RABEP1: variants seen among roughly 807,000 people sequenced by gnomAD.
The protein encoded by RABEP1 is rabaptin, RAB GTPase binding effector protein 1.
In RABEP1, 51 loss-of-function variants were observed where a neutral mutation model predicts 123.4. The ratio of observed to expected loss-of-function variants is 0.41; its 90% CI spans 0.33 to 0.52. RABEP1 has a LOEUF of 0.52. RABEP1 is among the 20% of genes least tolerant of loss of function. RABEP1 has a pLI of 0.16. For missense variants in RABEP1, 888 were observed against 996.3 expected, an observed-to-expected ratio of 0.89 and a Z score of 1.46; for synonymous variants, 347 against 355.2, an observed-to-expected ratio of 0.98 and a Z score of 0.26.
intron 11 of RABEP1, 76 bp downstream of exon 11, chr17:5,365,314 C>A: frequency 2.0e-6 from 2 of 1,022,616 alleles, no homozygotes; most frequent in South Asian, 2.2e-5. Flanking sequence ...AAAATATAGT[C>A]ATGTTTTTTT....
At chr17:5,382,684 G>A (rs1911578900) in intron 17 of RABEP1, among the ~76,000 whole-genome samples, 1 of 152,056 alleles carries the variant, frequency 6.6e-6, no homozygotes, top group Non-Finnish European at 1.5e-5. Context: ...CCCGGGAAGT[G>A]GAGGTTGCAG....
At position 5,380,475 on chromosome 17, in the gene RABEP1, T is replaced by C. The variant is rs1911361997; in HGVS notation, c.2370+13T>C. 2 of 1,501,036 alleles carry C rather than the reference T, an allele frequency of 1.3e-6. No individual in the cohort carries two copies. Among genetic ancestry groups the C allele is most frequent in the Non-Finnish European group, 1.8e-6 (2 of 1,101,470 alleles). The allele number at this position is 1,501,036 out of a possible 1,614,324, so 93.0% of individuals were successfully genotyped here. A position where few individuals can be genotyped will look rare whatever the true frequency, so the allele number is the denominator to read the frequency against. On this transcript the variant is annotated intron_variant, in intron 16 of 17. Transcript: ENST00000537505. ...GACTGCTGCTAAGGTAGTGTTTTCA[T>C]TAGTCATTTAATTTTAAAAAGCAGG...
intron 2 of RABEP1, among the ~76,000 whole-genome samples, chr17:5,323,838 G>A (rs1905684088): frequency 2.3e-5 from 2 of 85,506 alleles, no homozygotes; most frequent in Non-Finnish European, 2.1e-5. Context: ...ATATATCTAG[G>A]AATATATATA....
At chr17:5,354,516 A>G (rs1908850510) in intron 8 of RABEP1, 26 bp downstream of exon 8, 1 of 1,580,154 alleles carries the variant, frequency 6.3e-7, no homozygotes, top group African/African-American at 1.4e-5. Flanking sequence ...AATTAAAGTC[A>G]TTAAATACAC....
chr17:5,378,092 G>C, intron 14 of RABEP1, 85 bp from the exon 15 acceptor site: 2 of 1,016,020 alleles, frequency 2.0e-6, no homozygotes, highest in Non-Finnish European at 2.9e-6. Flanking sequence ...TGAATCCTTT[G>C]GGGGGTGCTC....
intron 2 of RABEP1, among the ~76,000 whole-genome samples, chr17:5,314,927 G>A (rs114284083): frequency 0.018 from 2,743 of 152,240 alleles, 76 homozygotes; most frequent in African/African-American, 0.062. Context: ...TTGTGCTTTG[G>A]AAATTTGTAG....
intron 2 of RABEP1, among the ~76,000 whole-genome samples, chr17:5,326,041 G>T (rs1260551913): frequency 1.3e-5 from 2 of 152,170 alleles, no homozygotes; most frequent in East Asian, 1.9e-4. Flanking sequence ...ATTCATTGCT[G>T]GTGGGAATGC....
At chr17:5,367,119 T>C (rs9747449) in intron 11 of RABEP1, among the ~76,000 whole-genome samples, 97,060 of 151,478 alleles carry the variant, frequency 0.64, 33,131 homozygotes, top group East Asian at 0.97. Flanking sequence ...ATTTATTAAT[T>C]ATTTCTTTAT....
At chr17:5,316,221 C>T (rs1391847147) in intron 2 of RABEP1, among the ~76,000 whole-genome samples, 10 of 151,466 alleles carry the variant, frequency 6.6e-5, no homozygotes, top group Non-Finnish European at 1.5e-4. Context: ...GAGGCCGAGG[C>T]AGGCGGATTG....
chr17:5,323,045 A>G (rs935953256), intron 2 of RABEP1, among the ~76,000 whole-genome samples: 3 of 152,302 alleles, frequency 2.0e-5, no homozygotes, highest in Non-Finnish European at 4.4e-5. Flanking sequence ...ACTGCACTCC[A>G]GCCTGGGTGA....
chr17:5,357,324 G>T (rs1442212795), intron 8 of RABEP1, among the ~76,000 whole-genome samples: 1 of 152,064 alleles, frequency 6.6e-6, no homozygotes, highest in South Asian at 2.1e-4. Flanking sequence ...GAATTTCAGC[G>T]TGTCAATGTA....
At chr17:5,292,572 T>G (rs953129081) in intron 1 of RABEP1, among the ~76,000 whole-genome samples, 2 of 151,976 alleles carry the variant, frequency 1.3e-5, no homozygotes, top group Non-Finnish European at 2.9e-5. Flanking sequence ...TTAGTAGAGA[T>G]AGGGTTTCAC....
chr17:5,378,535 T>G, intron 15 of RABEP1: 1 of 403,242 alleles, frequency 2.5e-6, no homozygotes, highest in South Asian at 2.6e-5. Flanking sequence ...AGAGGTACAG[T>G]AGAAATATGT....
chr17:5,341,662 A>T (rs1451701007), intron 5 of RABEP1, among the ~76,000 whole-genome samples: 2 of 152,242 alleles, frequency 1.3e-5, no homozygotes, highest in Non-Finnish European at 2.9e-5. Context: ...TAGTATGAGA[A>T]GAAATTATAG....
At chr17:5,324,395 T>C (rs1253052733) in intron 2 of RABEP1, among the ~76,000 whole-genome samples, 1 of 152,146 alleles carries the variant, frequency 6.6e-6, no homozygotes, top group Non-Finnish European at 1.5e-5. Context: ...TGCAGAAGAA[T>C]GAAATTAGGC....
rs1271911261 is a variant in RABEP1, at chr17:5,374,154, C to T, written c.2025+700C>T. ...TCATCTCTGCTCACTGCAACCTCCG[C>T]CTCACAGGTTTAAACGATTCTCCTG... On this transcript the variant is annotated intron_variant, in intron 13 of 17. Coordinates refer to ENST00000537505, the MANE Select transcript of RABEP1 (RefSeq NM_004703.6). 4.6e-3 allele frequency among the ~76,000 whole-genome samples: 701 copies of T among 151,340 alleles called. 5 individuals are homozygous for T. The highest frequency in any genetic ancestry group is 0.016 in the African/African-American group (661 of 40,826).
At position 5,380,298 on chromosome 17, in the gene RABEP1, C is replaced by T. The variant is rs552442977; in HGVS notation, c.2272-66C>T. 6 of 1,107,244 alleles carry T rather than the reference C, an allele frequency of 5.4e-6. No individual in the cohort carries two copies. The South Asian group carries it at 8.9e-5, about 16-fold the overall frequency. 68.6% of individuals were successfully genotyped at this position (1,107,244 alleles called of 1,614,324 possible). On this transcript the variant is annotated intron_variant, in intron 15 of 17. Transcript: ENST00000537505. ...GGTGTAATTCTCCAGGCTCTAGGCT[C>T]TTTTAGGTAGTGCACTGGGGCCCAG... is the stretch of plus-strand genomic sequence containing the variant.
chr17:5,291,869 C>T (rs753091635), intron 1 of RABEP1, among the ~76,000 whole-genome samples: 27 of 152,220 alleles, frequency 1.8e-4, no homozygotes, highest in Non-Finnish European at 3.1e-4. Flanking sequence ...TGAGCCACTG[C>T]ACTCCAGCCT....
chr17:5,369,942 A>G (rs1910395253), intron 12 of RABEP1, among the ~76,000 whole-genome samples: 1 of 151,728 alleles, frequency 6.6e-6, no homozygotes, highest in Admixed American at 6.6e-5. Flanking sequence ...CAGGTGATCC[A>G]CCCGCGTTGG....
Sources: gnomAD v4.1 joint callset for allele counts (sites outside exome capture counted in the v4.1 genomes callset) on GRCh38, gnomAD v4.1.1 for gene constraint, MANE v1.5 for transcripts, NCBI Gene and HGNC (gene_info 2026-07-23, HGNC 2026-07-21) for gene names.